KANSL1L: variants seen among roughly 807,000 people sequenced by gnomAD.
KANSL1L encodes KAT8 regulatory NSL complex subunit 1 like, also known as KAT8 regulatory NSL complex subunit 1-like protein.
Under a neutral mutation model 108.6 loss-of-function variants are expected in KANSL1L, and 25 were observed. The ratio of observed to expected loss-of-function variants is 0.23; its 90% CI spans 0.17 to 0.32. The LOEUF is 0.32. KANSL1L is among the 10% of genes least tolerant of loss of function. The pLI, the probability that KANSL1L is intolerant of heterozygous loss-of-function variation, is 1.00. For synonymous variants in KANSL1L, 405 were observed against 395.1 expected, an observed-to-expected ratio of 1.03 and a Z score of -0.30; for missense variants, 1,137 against 1,125.7, an observed-to-expected ratio of 1.01 and a Z score of -0.14.
chr2:210,046,275 T>TCA (rs2094222252), intron 6 of KANSL1L, among the ~76,000 whole-genome samples: 1 of 152,116 alleles, frequency 6.6e-6, no homozygotes. Context: ...CATGTCCTTC[T>TCA]CACATGCAAA....
Position 210,143,822 on chromosome 2 carries a change from CTAT to C in KANSL1L, c.1088+9670_1088+9672del, listed in dbSNP as rs1190173199. Among the ~76,000 whole-genome samples the C allele has an allele frequency of 3.3e-5, 5 of 152,206 alleles. No individual in the cohort carries two copies. In the East Asian group the frequency reaches 7.7e-4, roughly 23 times the overall value. On this transcript the variant is annotated intron_variant, in intron 2 of 14. Transcript: ENST00000281772. ...TACATCCTATGACAAATTATTGTAGCTATTATTTTAATAGCTTTGTCTTTTAAT... is the reference window on the plus strand; with the variant it reads ...TACATCCTATGACAAATTATTGTAGCTATTTTAATAGCTTTGTCTTTTAAT...
At chr2:210,056,262 G>A (rs963643416) in intron 6 of KANSL1L, among the ~76,000 whole-genome samples, 10 of 152,304 alleles carry the variant, frequency 6.6e-5, no homozygotes, top group East Asian at 1.9e-4. Context: ...CCTAGCCATC[G>A]TGCACAGCCT....
chr2:210,098,519 A>G (rs1038156560), intron 4 of KANSL1L, among the ~76,000 whole-genome samples: 2 of 152,194 alleles, frequency 1.3e-5, no homozygotes, highest in African/African-American at 2.4e-5. Flanking sequence ...AGGAAAATTA[A>G]TAATTAAAAA....
Position 210,054,083 on chromosome 2 carries a change from G to A in KANSL1L, c.1756-9979C>T, listed in dbSNP as rs555364848. 1.2e-3 allele frequency among the ~76,000 whole-genome samples: 186 copies of A among 152,124 alleles called. 1 individual carries two copies. Among genetic ancestry groups the A allele is most frequent in the African/African-American group, 4.2e-3 (174 of 41,520 alleles). On this transcript the variant is annotated intron_variant, in intron 6 of 14. Transcript: ENST00000281772. ...TGTAATCCCAGCACTTTGGGAGGCC[G>A]AGGCCAGTGGATCACAAGGTCAGGA...
intron 2 of KANSL1L, 50 bp downstream of exon 2, chr2:210,153,445 T>C: frequency 7.3e-7 from 1 of 1,377,568 alleles, no homozygotes. Context: ...CTAAGATAAT[T>C]GCTGCTATAT....
At chr2:210,163,144 T>C (rs1027144718) in intron 1 of KANSL1L, among the ~76,000 whole-genome samples, 2 of 152,162 alleles carry the variant, frequency 1.3e-5, no homozygotes, top group Non-Finnish European at 2.9e-5. Context: ...GCAAACAACA[T>C]AGTTTGAAGA....
chr2:210,117,683 G>GA (rs1256972114), intron 3 of KANSL1L, among the ~76,000 whole-genome samples: 1 of 150,476 alleles, frequency 6.6e-6, no homozygotes, highest in Non-Finnish European at 1.5e-5. Flanking sequence ...ACTAGACTAA[G>GA]AAAAAAAACA....
Position 210,120,321 on chromosome 2 carries a change from G to A in KANSL1L, c.1230+8710C>T, listed in dbSNP as rs2095002752. On this transcript the variant is annotated intron_variant, in intron 3 of 14. Transcript: ENST00000281772. ...GCAGGAGAATTGCTAGAAGCCAGGAGGCGGAGGTTGCAGTGAGCGGAGATC... is the reference window on the plus strand; with the variant it reads ...GCAGGAGAATTGCTAGAAGCCAGGAAGCGGAGGTTGCAGTGAGCGGAGATC... 2.0e-5 allele frequency among the ~76,000 whole-genome samples: 3 copies of A among 152,222 alleles called. No individual in the cohort carries two copies. The South Asian group carries it at 6.2e-4, about 32-fold the overall frequency.
intron 8 of KANSL1L, among the ~76,000 whole-genome samples, chr2:210,033,354 T>A (rs1287338763): frequency 2.0e-5 from 3 of 152,146 alleles, no homozygotes; most frequent in Non-Finnish European, 2.9e-5. Flanking sequence ...GAGGTGGATT[T>A]TAAAATGTAT....
intron 6 of KANSL1L, among the ~76,000 whole-genome samples, chr2:210,049,911 A>T (rs2094270883): frequency 6.6e-6 from 1 of 152,246 alleles, no homozygotes; most frequent in East Asian, 1.9e-4. Flanking sequence ...CATGAGTGTT[A>T]TCTCTGGGAA....
intron 4 of KANSL1L, among the ~76,000 whole-genome samples, chr2:210,100,820 T>C (rs2094786697): frequency 6.6e-6 from 1 of 152,118 alleles, no homozygotes; most frequent in Admixed American, 6.6e-5. Context: ...GTATTTTTTG[T>C]AGAGACAGGG....
Position 210,029,804 on chromosome 2 carries a change from C to T in KANSL1L, c.2270G>A (p.Arg757Gln), listed in dbSNP as rs905140298. Reference protein sequence around the residue: ...NVLSRIQNSSRNTARRRLRSE... With the variant: ...NVLSRIQNSSQNTARRRLRSE... ...AGTTCAACATATGGAAAAACCTACT[C>T]GTGATGAATTCTGGATTCTTGATAA... is the stretch of plus-strand genomic sequence containing the variant. Residue 757 changes from arginine (R) to glutamine (Q), a missense_variant and splice_region_variant, in exon 10 of 15, where the codon CGA (arginine) becomes CAA (glutamine). This residue lies in a region of KANSL1L where 575 missense variants were observed against 567.1 expected (regional missense o/e 1.01). Transcript: ENST00000281772. 12 of 1,499,558 alleles carry T rather than the reference C, an allele frequency of 8.0e-6. No homozygotes were observed. The highest frequency in any genetic ancestry group is 1.1e-5 in the Non-Finnish European group (12 of 1,083,338). 92.9% of individuals were successfully genotyped at this position (1,499,558 alleles called of 1,614,324 possible).
chr2:210,160,345 A>G (rs573481177), intron 1 of KANSL1L, among the ~76,000 whole-genome samples: 57 of 152,222 alleles, frequency 3.7e-4, no homozygotes, highest in African/African-American at 1.3e-3. Context: ...AGTGCTGTAG[A>G]GCAAGAAAAA....
chr2:210,103,351 A>AG (rs2094814714), intron 4 of KANSL1L, among the ~76,000 whole-genome samples: 2 of 152,202 alleles, frequency 1.3e-5, no homozygotes, highest in African/African-American at 4.8e-5. Context: ...GGATAGCATT[A>AG]GGAGATAGAC....
chr2:210,058,559 C>T (rs926953808), intron 6 of KANSL1L, among the ~76,000 whole-genome samples: 4 of 152,176 alleles, frequency 2.6e-5, no homozygotes, highest in East Asian at 3.9e-4. Context: ...TTTGGCCAGG[C>T]GCAGTGGCTC....
At chr2:210,028,482 T>C (rs2093968799) in intron 11 of KANSL1L, 1 of 155,216 alleles carries the variant, frequency 6.4e-6, no homozygotes, top group African/African-American at 2.4e-5. Context: ...TAGAACTCTT[T>C]GCAACTTATG....
intron 6 of KANSL1L, chr2:210,064,422 T>A (rs1357686022): frequency 6.6e-6 from 1 of 152,170 alleles, no homozygotes; most frequent in Non-Finnish European, 1.5e-5. Flanking sequence ...TTTTTATTAA[T>A]CCTGTCTAGC....
rs1284544790 is a variant in KANSL1L, at chr2:210,088,923, TAC to T, written c.1550+9161_1550+9162del. ...ACACCAAAAAAGAGACATATGAAAT[TAC>T]AGAGTAGTGTAAGGTTGATCAGGAA... is the stretch of plus-strand genomic sequence containing the variant. On this transcript the variant is annotated intron_variant, in intron 5 of 14. Coordinates refer to ENST00000281772, the MANE Select transcript of KANSL1L (RefSeq NM_152519.4). The T allele has an allele frequency of 4.6e-5, 7 of 153,118 alleles. No homozygotes were observed. The East Asian group carries it at 1.3e-3, about 30-fold the overall frequency. 9.5% of individuals were successfully genotyped at this position (153,118 alleles called of 1,614,324 possible). A position where few individuals can be genotyped will look rare whatever the true frequency, so the allele number is the denominator to read the frequency against.
rs114410407 is a variant in KANSL1L, at chr2:210,069,132, C to T, written c.1755+6420G>A. Among the ~76,000 whole-genome samples the T allele has an allele frequency of 8.0e-3, 1,218 of 152,276 alleles. 18 individuals are homozygous for T. The highest frequency in any genetic ancestry group is 0.028 in the African/African-American group (1,147 of 41,542). On this transcript the variant is annotated intron_variant, in intron 6 of 14. Coordinates refer to ENST00000281772, the MANE Select transcript of KANSL1L (RefSeq NM_152519.4). ...CTTGGAAATTTCCTCAGCTAAATAT[C>T]CAAGTTCATTGCTTAAAAGTTCTAT...
Sources: gnomAD v4.1 joint callset for allele counts (sites outside exome capture counted in the v4.1 genomes callset) on GRCh38, gnomAD v4.1.1 for gene constraint, gnomAD v4.1.1 regional missense constraint, MANE v1.5 for transcripts, NCBI Gene and HGNC (gene_info 2026-07-23, HGNC 2026-07-21) for gene names.